Variants in ZCCHC7 observed in about 807,000 individuals in gnomAD.
The protein encoded by ZCCHC7 is zinc finger CCHC domain-containing protein 7.
ZCCHC7 carries 35 observed loss-of-function variants against 52.0 expected under a neutral mutation model. The ratio of observed to expected loss-of-function variants is 0.67; its 90% CI spans 0.51 to 0.89. The LOEUF is 0.89. ZCCHC7 is among the 40% of genes least tolerant of loss of function. The pLI is 0.00. For missense variants in ZCCHC7, 574 were observed against 649.1 expected (o/e 0.88, Z 1.26); for synonymous variants, 217 against 221.5 (o/e 0.98, Z 0.18).
At chr9:37,163,268 A>T (rs1220484907) in intron 2 of ZCCHC7, among the ~76,000 whole-genome samples, 1 of 151,410 alleles carries the variant, frequency 6.6e-6, no homozygotes, top group Non-Finnish European at 1.5e-5. Context: ...TGTGCCTATA[A>T]TCCCAGCTAC....
chr9:37,350,764 A>G (rs1821330279), intron 7 of ZCCHC7, among the ~76,000 whole-genome samples: 1 of 152,254 alleles, frequency 6.6e-6, no homozygotes, highest in Non-Finnish European at 1.5e-5. Flanking sequence ...TGTAATAAGA[A>G]TAGGCTCAGA....
chr9:37,162,004 A>G (rs1268347477), intron 2 of ZCCHC7, among the ~76,000 whole-genome samples: 1 of 152,172 alleles, frequency 6.6e-6, no homozygotes, highest in East Asian at 1.9e-4. Flanking sequence ...ACTCTCTTCT[A>G]CTTCACATTA....
intron 2 of ZCCHC7, among the ~76,000 whole-genome samples, chr9:37,208,127 C>G (rs1824019766): frequency 6.6e-6 from 1 of 152,178 alleles, no homozygotes; most frequent in Non-Finnish European, 1.5e-5. Context: ...AGGTCTTACT[C>G]TGTCACCCAG....
intron 6 of ZCCHC7, among the ~76,000 whole-genome samples, chr9:37,348,342 A>AGTTC (rs1239034818): frequency 4.8e-4 from 48 of 99,724 alleles, no homozygotes; most frequent in Middle Eastern, 5.9e-3. Flanking sequence ...AAGTGATACC[A>AGTTC]GTTCGTTCTT....
At chr9:37,191,298 T>C (rs919775779) in intron 2 of ZCCHC7, among the ~76,000 whole-genome samples, 1 of 152,210 alleles carries the variant, frequency 6.6e-6, no homozygotes, top group Non-Finnish European at 1.5e-5. Flanking sequence ...TTCTTTTTGT[T>C]TGTTGTACTT....
chr9:37,356,792 T>A (rs755822060), intron 8 of ZCCHC7, 43 bp from the exon 9 acceptor site: 33 of 1,521,802 alleles, frequency 2.2e-5, no homozygotes, highest in Non-Finnish European at 2.9e-5. Context: ...CAGCATGGAC[T>A]GTTTAGCTGC....
At chr9:37,215,198 T>C (rs1258670489) in intron 2 of ZCCHC7, among the ~76,000 whole-genome samples, 1 of 152,178 alleles carries the variant, frequency 6.6e-6, no homozygotes, top group African/African-American at 2.4e-5. Context: ...CAATTTGTTT[T>C]AATGCTTCCT....
intron 2 of ZCCHC7, among the ~76,000 whole-genome samples, chr9:37,222,499 C>T (rs1824879536): frequency 1.3e-5 from 2 of 151,436 alleles, no homozygotes; most frequent in Non-Finnish European, 1.5e-5. Flanking sequence ...TACTATACAT[C>T]AAAATAAATT....
intron 2 of ZCCHC7, among the ~76,000 whole-genome samples, chr9:37,241,501 A>G (rs984178626): frequency 6.6e-6 from 1 of 151,848 alleles, no homozygotes; most frequent in East Asian, 1.9e-4. Context: ...TTAAAAGAAA[A>G]TCTCCAATTT....
chr9:37,152,183 T>C (rs1820567798), intron 2 of ZCCHC7, among the ~76,000 whole-genome samples: 1 of 152,102 alleles, frequency 6.6e-6, no homozygotes, highest in Non-Finnish European at 1.5e-5. Context: ...TTGAATTAGG[T>C]AGGAAAATAA....
intron 5 of ZCCHC7, 150 bp downstream of exon 5, chr9:37,305,864 T>C: frequency 1.3e-6 from 1 of 783,364 alleles, no homozygotes; most frequent in South Asian, 2.5e-5. Context: ...CATGTCCATT[T>C]TGTCACTGAA....
intron 5 of ZCCHC7, among the ~76,000 whole-genome samples, chr9:37,306,637 T>TG (rs1374208611): frequency 6.7e-6 from 1 of 148,744 alleles, no homozygotes; most frequent in Non-Finnish European, 1.5e-5. Flanking sequence ...GGCTAATTTT[T>TG]TATTTTTAGT....
rs554840006 is a variant in ZCCHC7 at position 37,143,399 on chromosome 9, A to C, written c.610+16457A>C. ...AGCTTTAGCGTTTTCTGTTCAGAAA[A>C]GTAGGCTCTGCATTAGAGTTTTAAA... On this transcript the variant is annotated intron_variant, in intron 2 of 8. Transcript: ENST00000336755. Among the ~76,000 whole-genome samples, 5 of 151,762 alleles carry C rather than the reference A, an allele frequency of 3.3e-5. No individual in the cohort carries two copies. In the East Asian group the frequency reaches 9.7e-4, roughly 29 times the overall value.
chr9:37,122,619 TC>T (rs1271734526), intron 1 of ZCCHC7, among the ~76,000 whole-genome samples: 1 of 152,212 alleles, frequency 6.6e-6, no homozygotes, highest in Non-Finnish European at 1.5e-5. Context: ...CTTCAAAAAA[TC>T]TTAATTTGAA....
chr9:37,136,360 A>T lies in ZCCHC7; in HGVS notation c.610+9418A>T, dbSNP rs1417716098. Among the ~76,000 whole-genome samples, 8 of 152,198 alleles carry T rather than the reference A, an allele frequency of 5.3e-5. No homozygotes were observed. The East Asian group carries it at 9.6e-4, about 18-fold the overall frequency. Reference sequence around the variant, plus strand: ...TTCATAGTTACACGATAGGTTCATGATCATTGTGGCAAACATGAGCTTATA... The same window carrying T: ...TTCATAGTTACACGATAGGTTCATGTTCATTGTGGCAAACATGAGCTTATA... On this transcript the variant is annotated intron_variant, in intron 2 of 8. Coordinates refer to ENST00000336755, the MANE Select transcript of ZCCHC7 (RefSeq NM_032226.3).
chr9:37,223,852 A>G (rs1308159091), intron 2 of ZCCHC7, among the ~76,000 whole-genome samples: 1 of 152,090 alleles, frequency 6.6e-6, no homozygotes, highest in Non-Finnish European at 1.5e-5. Context: ...ATTTAATAGA[A>G]TATTATGATT....
At chr9:37,235,718 C>T (rs1825619937) in intron 2 of ZCCHC7, among the ~76,000 whole-genome samples, 1 of 151,390 alleles carries the variant, frequency 6.6e-6, no homozygotes, top group African/African-American at 2.4e-5. Flanking sequence ...GCCTCCCGAG[C>T]AGCTGGGATT....
intron 2 of ZCCHC7, among the ~76,000 whole-genome samples, chr9:37,249,935 C>T (rs1213231508): frequency 2.6e-5 from 4 of 152,128 alleles, no homozygotes; most frequent in African/African-American, 4.8e-5. Flanking sequence ...ATGGCTCCAC[C>T]GCTCTTCCTG....
chr9:37,137,649 A>G (rs1218469401), intron 2 of ZCCHC7, among the ~76,000 whole-genome samples: 1 of 152,170 alleles, frequency 6.6e-6, no homozygotes, highest in Admixed American at 6.5e-5. Context: ...TAGTCAAAGG[A>G]CCTGACCAGC....
Sources: allele counts gnomAD v4.1 joint callset (sites outside exome capture counted in the v4.1 genomes callset), GRCh38; gene constraint gnomAD v4.1.1; transcripts MANE v1.5; gene names NCBI Gene and HGNC (gene_info 2026-07-23, HGNC 2026-07-21).